ADGRE1: variants seen among roughly 807,000 people sequenced by gnomAD.
ADGRE1 encodes EGF-like module receptor 1.
In ADGRE1, 82 loss-of-function variants were observed where a neutral mutation model predicts 102.7. That is an observed-to-expected ratio of 0.80 (90% CI 0.67 to 0.96). The LOEUF (loss-of-function observed/expected upper bound fraction) is 0.96, where lower values mean the gene tolerates loss of function less well. ADGRE1 is among the 40% of genes least tolerant of loss of function. The probability of loss-of-function intolerance (pLI) is 0.00; values close to 1 mark genes in which losing one functional copy is unlikely to be tolerated. For synonymous variants in ADGRE1, 398 were observed against 399.6 expected (o/e 1.00, Z 0.05); for missense variants, 1,032 against 1,085.3 (o/e 0.95, Z 0.69).
At chr19:6,927,955 C>A (rs1423717593) in intron 16 of ADGRE1, among the ~76,000 whole-genome samples, 190 bp from the exon 17 acceptor site, 2 of 152,082 alleles carry the variant, frequency 1.3e-5, no homozygotes, top group Admixed American at 6.6e-5. Flanking sequence ...GGTACATTTG[C>A]CCAGGAAGAA....
At chr19:6,905,543 G>A (rs1362772659) in intron 8 of ADGRE1, among the ~76,000 whole-genome samples, 5 of 151,846 alleles carry the variant, frequency 3.3e-5, no homozygotes, top group African/African-American at 1.2e-4. Context: ...AGTAGAGATG[G>A]GGTTTCACCA....
chr19:6,921,406 A>G (rs1315692230), intron 13 of ADGRE1, among the ~76,000 whole-genome samples: 1 of 152,188 alleles, frequency 6.6e-6, no homozygotes, highest in East Asian at 1.9e-4. Context: ...TGGGCAACAG[A>G]GTGAGACTCT....
chr19:6,890,483 T>C lies in ADGRE1; in HGVS notation c.34T>C (p.Cys12Arg). Residue 12 changes from cysteine (C) to arginine (R), a missense_variant and splice_region_variant, in exon 2 of 21, where the codon TGT (cysteine) becomes CGT (arginine). Coordinates refer to ENST00000312053, the MANE Select transcript of ADGRE1 (RefSeq NM_001974.5). ...GTTTTTCTTTTCTTTCTTCACAGGA[T>C]GTTGTGTTATGCACAGCTGGGAAGG... ...RGFNLLLFWG[C>R]CVMHSWEGHI... 1 of 1,596,496 alleles carries C rather than the reference T, an allele frequency of 6.3e-7. No individual in the cohort carries two copies.
rs1302449042 is a variant in ADGRE1, at chr19:6,901,908, C to A, written c.548C>A (p.Pro183Gln). The change falls in exon 6 of 21, where the codon CCA becomes CAA. Residue 183 changes from proline (P) to glutamine (Q), a missense_variant. Transcript: ENST00000312053. ...VDECADPRAC[P>Q]EHATCNNTVG... ...GAATGTGCAGATCCAAGAGCTTGCC[C>A]AGAGCATGCAACTTGTAATAACACT... 10 of 1,614,180 alleles carry A rather than the reference C, an allele frequency of 6.2e-6. No homozygotes were observed. The highest frequency in any genetic ancestry group is 1.3e-5 in the African/African-American group (1 of 75,052).
intron 11 of ADGRE1, 27 bp from the exon 12 acceptor site, chr19:6,916,222 A>G: frequency 6.2e-7 from 1 of 1,605,288 alleles, no homozygotes; most frequent in Non-Finnish European, 8.5e-7. Context: ...GGGTGACCTC[A>G]TACGAACTCT....
intron 10 of ADGRE1, among the ~76,000 whole-genome samples, chr19:6,911,740 GCA>G (rs1974196995): frequency 6.7e-6 from 1 of 149,468 alleles, no homozygotes; most frequent in South Asian, 2.1e-4. Context: ...GCACACACAT[GCA>G]CACACAGTAT....
rs373945925 is a variant in ADGRE1, at chr19:6,921,792, G to C, written c.1700G>C (p.Cys567Ser). 33 of 1,613,990 alleles carry C rather than the reference G, an allele frequency of 2.0e-5. No individual in the cohort carries two copies. The highest frequency in any genetic ancestry group is 2.7e-5 in the Non-Finnish European group (32 of 1,180,032). ...VKGGRWTSFG[C>S]VILEASETYT... ...GGTGGAAGATGGACATCCTTTGGCT[G>C]TGTGATCCTGGAAGCTTCTGAGACA... is the stretch of plus-strand genomic sequence containing the variant. Residue 567 changes from cysteine (C) to serine (S), a missense_variant, in exon 14 of 21, where the codon TGT becomes TCT. By Grantham distance (112) the Cys-to-Ser change is moderately radical. Coordinates refer to ENST00000312053, the MANE Select transcript of ADGRE1 (RefSeq NM_001974.5).
intron 12 of ADGRE1, among the ~76,000 whole-genome samples, chr19:6,916,856 A>C (rs1255853457): frequency 6.6e-6 from 1 of 151,764 alleles, no homozygotes; most frequent in African/African-American, 2.4e-5. Context: ...TTGAAATGAT[A>C]ATATTTGGCT....
chr19:6,896,427 C>T lies in ADGRE1; in HGVS notation c.124C>T (p.Pro42Ser). 2 of 1,614,046 alleles carry T rather than the reference C, an allele frequency of 1.2e-6. No homozygotes were observed. Among genetic ancestry groups the T allele is most frequent in the South Asian group, 1.1e-5 (1 of 91,064 alleles). Residue 42 changes from proline to serine, a missense_variant, in exon 3 of 21, where the codon CCA (proline) becomes TCA (serine). By Grantham distance (74) the Pro-to-Ser change is moderately conservative (BLOSUM62 -1). Transcript: ENST00000312053. ...TAACTGTAGAGACAGTACCTTGTGC[C>T]CAGCTTATGCCACCTGCACCAATAC... ...GNNCRDSTLC[P>S]AYATCTNTVD...
In ADGRE1 at chr19:6,926,592, T is replaced by C. The variant is rs1555717127; in HGVS notation, c.2213T>C (p.Met738Thr). The C allele has an allele frequency of 6.2e-7, 1 of 1,614,220 alleles. No homozygotes were observed. The highest frequency in any genetic ancestry group is 8.5e-7 in the Non-Finnish European group (1 of 1,180,032). Residue 738 changes from methionine to threonine, a missense_variant, in exon 16 of 21, where the codon ATG (methionine) becomes ACG (threonine). Transcript: ENST00000312053. ...AGTGTGCAGCCACAGGGCTATGGAA[T>C]GCATAATCGGTGAGTGACATCCTCT... ...SASVQPQGYG[M>T]HNRCWLNTET...
chr19:6,924,122 T>C (rs1248817025), intron 14 of ADGRE1, among the ~76,000 whole-genome samples: 3 of 151,104 alleles, frequency 2.0e-5, no homozygotes. Context: ...GGGAATTGGG[T>C]GCTCACAAAA....
intron 9 of ADGRE1, 89 bp from the exon 10 acceptor site, chr19:6,908,600 C>T: frequency 8.4e-7 from 1 of 1,194,686 alleles, no homozygotes; most frequent in East Asian, 2.4e-5. Flanking sequence ...ATATGATGGG[C>T]TTTATGGGCT....
At chr19:6,891,612 C>A (rs1055463508) in intron 2 of ADGRE1, among the ~76,000 whole-genome samples, 3 of 152,008 alleles carry the variant, frequency 2.0e-5, no homozygotes, top group Admixed American at 6.6e-5. Context: ...CGCCACCACG[C>A]CTGGCTAATT....
chr19:6,906,594 G>A, intron 9 of ADGRE1, 73 bp downstream of exon 9: 1 of 1,421,372 alleles, frequency 7.0e-7, no homozygotes, highest in South Asian at 1.2e-5. Flanking sequence ...TGTTTTTGCA[G>A]TTCTAACAAA....
intron 2 of ADGRE1, chr19:6,891,098 A>G (rs1042915235): frequency 2.0e-5 from 3 of 152,392 alleles, no homozygotes; most frequent in African/African-American, 4.8e-5. Flanking sequence ...GGGCGGGGCC[A>G]GTTGGAGATA....
intron 20 of ADGRE1, among the ~76,000 whole-genome samples, chr19:6,938,887 C>T (rs1975556194): frequency 6.6e-6 from 1 of 151,520 alleles, no homozygotes; most frequent in Non-Finnish European, 1.5e-5. Context: ...CCTCTGCCTC[C>T]TGGGTTCAAG....
intron 13 of ADGRE1, 152 bp downstream of exon 13, chr19:6,919,899 G>T (rs774930907): frequency 2.8e-6 from 2 of 712,586 alleles, no homozygotes; most frequent in Admixed American, 2.7e-5. Flanking sequence ...AGAAGCTACC[G>T]CTAGAGGAAT....
intron 15 of ADGRE1, 118 bp downstream of exon 15, chr19:6,924,990 T>G: frequency 6.1e-6 from 6 of 990,956 alleles, no homozygotes; most frequent in Non-Finnish European, 9.0e-6. Flanking sequence ...GCATATGCTG[T>G]GCCCTCTGCC....
intron 1 of ADGRE1, among the ~76,000 whole-genome samples, chr19:6,889,883 C>T (rs991235191): frequency 2.0e-5 from 3 of 151,812 alleles, no homozygotes; most frequent in African/African-American, 7.3e-5. Context: ...TATATCACCC[C>T]TTTTGAGAAT....
Sources: allele counts gnomAD v4.1 joint callset (sites outside exome capture counted in the v4.1 genomes callset), GRCh38; gene constraint gnomAD v4.1.1; transcripts MANE v1.5; gene names NCBI Gene and HGNC (gene_info 2026-07-23, HGNC 2026-07-21).